C1orf54: variants seen among roughly 807,000 people sequenced by gnomAD.
The protein encoded by C1orf54 is chromosome 1 open reading frame 54.
C1orf54 carries 12 observed loss-of-function variants against 14.7 expected under a neutral mutation model. The observed-to-expected ratio is 0.82, with a 90% CI of 0.52 to 1.32. The LOEUF (loss-of-function observed/expected upper bound fraction) is 1.32, where lower values mean the gene tolerates loss of function less well. C1orf54 is among the 40% of genes most tolerant of loss of function. The pLI, the probability that C1orf54 is intolerant of heterozygous loss-of-function variation, is 0.00. For missense variants in C1orf54, 163 were observed against 162.2 expected (o/e 1.00, Z -0.03); for synonymous variants, 65 against 56.3 (o/e 1.16, Z -0.70).
intron 2 of C1orf54, among the ~76,000 whole-genome samples, chr1:150,275,119 A>G (rs1206020635): frequency 6.6e-6 from 1 of 150,976 alleles, no homozygotes; most frequent in Non-Finnish European, 1.5e-5. Context: ...GCTCACTGCA[A>G]CCTCTGCCTC....
chr1:150,279,546 T>G, intron 4 of C1orf54, 97 bp from the exon 5 acceptor site: 3 of 1,057,574 alleles, frequency 2.8e-6, no homozygotes, highest in East Asian at 5.3e-5. Flanking sequence ...AAGACAGAGG[T>G]TGTTGTAAAG....
intron 3 of C1orf54, 68 bp from the exon 4 acceptor site, chr1:150,276,454 G>C: frequency 7.6e-7 from 1 of 1,307,386 alleles, no homozygotes; most frequent in East Asian, 2.3e-5. Context: ...ACTTTAAGTA[G>C]AGAATCTATG....
chr1:150,274,035 T>G, intron 1 of C1orf54, 52 bp from the exon 2 acceptor site: 1 of 1,308,154 alleles, frequency 7.6e-7, no homozygotes, highest in Non-Finnish European at 1.1e-6. Context: ...GGTGTCCTTT[T>G]GTTAGTAAGG....
At chr1:150,275,895 G>A (rs970769782) in intron 3 of C1orf54, 96 bp downstream of exon 3, 10 of 1,096,112 alleles carry the variant, frequency 9.1e-6, no homozygotes, top group Middle Eastern at 5.1e-4. Flanking sequence ...CCAGCACTTT[G>A]GGAGGCCAAG....
chr1:150,272,875 CCT>C lies in C1orf54; in HGVS notation c.46+19_46+20del. The C allele has an allele frequency of 1.9e-6, 3 of 1,614,014 alleles. No homozygotes were observed. The highest frequency in any genetic ancestry group is 2.2e-5 in the East Asian group (1 of 44,870). Reference sequence around the variant, plus strand: ...GCCACTTATCCTGGGTAAGTCCACTCCTCTCTCTGAGCTTTTGTGCCAGGTCT... The same window carrying C: ...GCCACTTATCCTGGGTAAGTCCACTCCTCTCTGAGCTTTTGTGCCAGGTCT... On this transcript the variant is annotated intron_variant, in intron 1 of 5. Transcript: ENST00000369099.
At chr1:150,273,332 A>G (rs1179882669) in intron 1 of C1orf54, among the ~76,000 whole-genome samples, 3 of 152,232 alleles carry the variant, frequency 2.0e-5, no homozygotes, top group Non-Finnish European at 4.4e-5. Flanking sequence ...CAGGGTCCCA[A>G]GAGTAGCTTG....
Position 150,276,537 on chromosome 1 carries a change from G to A in C1orf54, c.205G>A (p.Asp69Asn). The A allele has an allele frequency of 6.2e-7, 1 of 1,613,906 alleles. No individual in the cohort carries two copies. The highest frequency in any genetic ancestry group is 1.1e-5 in the South Asian group (1 of 91,074). ...CTGAGGGTAGAACAGGTTGGATAAG[G>A]ACATAACAGAAGCAATAGAGACTAC... is the stretch of plus-strand genomic sequence containing the variant. ...SEDRLNRLDKDITEAIETTIS... is the reference protein window; with the variant it reads ...SEDRLNRLDKNITEAIETTIS... Residue 69 changes from aspartate (D) to asparagine (N), a missense_variant, in exon 4 of 6, where the codon GAC becomes AAC. By Grantham distance (23) the Asp-to-Asn change is conservative. Transcript: ENST00000369099.
intron 4 of C1orf54, among the ~76,000 whole-genome samples, chr1:150,277,502 TAA>T (rs71083896): frequency 0.015 from 622 of 41,218 alleles, 7 homozygotes; most frequent in Admixed American, 0.13. Flanking sequence ...GACTCTATAC[TAA>T]AAAAAAAAAA....
chr1:150,270,204 C>T (rs587704664), upstream of C1orf54, among the ~76,000 whole-genome samples: 5 of 107,312 alleles, frequency 4.7e-5, no homozygotes, highest in Non-Finnish European at 1.1e-4. Flanking sequence ...CCAAAAAAAA[C>T]CCCACAGAAA....
chr1:150,275,480 T>TTAAC (rs782380532), intron 2 of C1orf54, among the ~76,000 whole-genome samples: 1 of 152,028 alleles, frequency 6.6e-6, no homozygotes, highest in African/African-American at 2.4e-5. Flanking sequence ...CTCCAGCCTG[T>TTAAC]TAACACAGTG....
chr1:150,276,074 G>A (rs1652623275), intron 3 of C1orf54, among the ~76,000 whole-genome samples: 1 of 151,934 alleles, frequency 6.6e-6, no homozygotes, highest in South Asian at 2.1e-4. Flanking sequence ...GGGAGATGGA[G>A]GACGCAGTGA....
At chr1:150,268,828 G>A (rs782499175), upstream of C1orf54, 7 of 1,602,420 alleles carry the variant, frequency 4.4e-6, no homozygotes, top group African/African-American at 1.3e-5. Flanking sequence ...CAGGTGGGAA[G>A]GGGGGTGGGG....
chr1:150,275,503 T>TA (rs1299840011), intron 2 of C1orf54, among the ~76,000 whole-genome samples: 1 of 152,014 alleles, frequency 6.6e-6, no homozygotes, highest in Non-Finnish European at 1.5e-5. Flanking sequence ...ACCCTGACTC[T>TA]AAAAAAAGAA....
At chr1:150,275,050 T>TC (rs1652533683) in intron 2 of C1orf54, among the ~76,000 whole-genome samples, 1 of 150,996 alleles carries the variant, frequency 6.6e-6, no homozygotes, top group Non-Finnish European at 1.5e-5. Context: ...AAAAATTTTT[T>TC]TTTTTTGAGA....
intron 2 of C1orf54, 123 bp from the exon 3 acceptor site, chr1:150,275,618 G>A: frequency 1.5e-6 from 1 of 678,614 alleles, no homozygotes; most frequent in African/African-American, 1.8e-5. Context: ...AAATAAAATT[G>A]GATTATACCA....
At chr1:150,271,861 G>T (rs587708502), upstream of C1orf54, among the ~76,000 whole-genome samples, 1 of 152,074 alleles carries the variant, frequency 6.6e-6, no homozygotes, top group Non-Finnish European at 1.5e-5. Flanking sequence ...AGGTGAGGCC[G>T]GGCACGGTGG....
intron 3 of C1orf54, among the ~76,000 whole-genome samples, chr1:150,276,077 C>T (rs1362828155): frequency 3.3e-5 from 5 of 151,556 alleles, no homozygotes; most frequent in South Asian, 2.1e-4. Flanking sequence ...AGATGGAGGA[C>T]GCAGTGAGCC....
At chr1:150,273,974 A>T in intron 1 of C1orf54, 113 bp from the exon 2 acceptor site, 1 of 706,820 alleles carries the variant, frequency 1.4e-6, no homozygotes, top group South Asian at 1.6e-5. Context: ...AGAGAGAGAG[A>T]GAGAAAAGAA....
Position 150,276,531 on chromosome 1 carries a change from G to A in C1orf54, c.199G>A (p.Asp67Asn), listed in dbSNP as rs782162901. Residue 67 changes from aspartate to asparagine, a missense_variant, in exon 4 of 6, where the codon GAT becomes AAT. Asp to Asn is a conservative substitution (Grantham distance 23). Coordinates refer to ENST00000369099, the MANE Select transcript of C1orf54 (RefSeq NM_024579.4). ...ATCCTACTGAGGGTAGAACAGGTTG[G>A]ATAAGGACATAACAGAAGCAATAGA... Reference protein sequence around the residue: ...FESEDRLNRLDKDITEAIETT... With the variant: ...FESEDRLNRLNKDITEAIETT... 1 of 1,613,654 alleles carries A rather than the reference G, an allele frequency of 6.2e-7. No homozygotes were observed. Among genetic ancestry groups the A allele is most frequent in the Non-Finnish European group, 8.5e-7 (1 of 1,179,612 alleles).
Sources: gnomAD v4.1 joint callset for allele counts (sites outside exome capture counted in the v4.1 genomes callset) on GRCh38, gnomAD v4.1.1 for gene constraint, MANE v1.5 for transcripts, NCBI Gene and HGNC (gene_info 2026-07-23, HGNC 2026-07-21) for gene names.